The following GRAP2 variants were observed in gnomAD, a reference collection of about 807,000 sequenced individuals.
The protein encoded by GRAP2 is GRB2 related adaptor protein 2, also known as GRB2-related adapter protein 2.
Under a neutral mutation model 43.5 loss-of-function variants are expected in GRAP2, and 31 were observed. That is an observed-to-expected ratio of 0.71 (90% CI 0.54 to 0.96). The LOEUF (loss-of-function observed/expected upper bound fraction) is 0.96. Among genes scored for constraint, GRAP2 ranks in the 40% least tolerant of loss-of-function variants. The probability of loss-of-function intolerance (pLI) is 0.00; values close to 1 mark genes in which losing one functional copy is unlikely to be tolerated. For synonymous variants in GRAP2, 156 were observed against 164.8 expected (o/e 0.95, Z 0.41); for missense variants, 371 against 424.4 (o/e 0.87, Z 1.11).
chr22:39,917,286 C>A (rs1404032518), intron 1 of GRAP2, among the ~76,000 whole-genome samples: 1 of 152,210 alleles, frequency 6.6e-6, no homozygotes, highest in African/African-American at 2.4e-5. Flanking sequence ...CCTTCATCAG[C>A]AGCCCAAAGC....
At chr22:39,964,358 A>G (rs1601741243) in intron 4 of GRAP2, 1 of 715,302 alleles carries the variant, frequency 1.4e-6, no homozygotes. Context: ...GGGTCTGGGG[A>G]AGGGGCGGCA....
chr22:39,931,348 A>G (rs2066753275), intron 1 of GRAP2, among the ~76,000 whole-genome samples: 1 of 152,170 alleles, frequency 6.6e-6, no homozygotes, highest in African/African-American at 2.4e-5. Flanking sequence ...CTTGAAATGA[A>G]AGGCTATTAA....
At chr22:39,907,581 T>C (rs1420166605) in intron 1 of GRAP2, among the ~76,000 whole-genome samples, 1 of 152,032 alleles carries the variant, frequency 6.6e-6, no homozygotes, top group African/African-American at 2.4e-5. Context: ...TACAAGATAT[T>C]CTTTTAAAAA....
intron 1 of GRAP2, among the ~76,000 whole-genome samples, chr22:39,932,173 C>T (rs534135013): frequency 6.6e-6 from 1 of 152,232 alleles, no homozygotes; most frequent in East Asian, 1.9e-4. Flanking sequence ...TCAAACGAGT[C>T]CTTGCTATTC....
intron 1 of GRAP2, among the ~76,000 whole-genome samples, chr22:39,929,228 G>A (rs1366104229): frequency 6.6e-6 from 1 of 152,156 alleles, no homozygotes; most frequent in Non-Finnish European, 1.5e-5. Flanking sequence ...GAGTACAGGG[G>A]ACCTCTGTAC....
At chr22:39,942,525 C>T (rs2066881596) in intron 1 of GRAP2, among the ~76,000 whole-genome samples, 1 of 152,016 alleles carries the variant, frequency 6.6e-6, no homozygotes, top group Admixed American at 6.5e-5. Context: ...TGGCTCATGC[C>T]TCTAATCCCA....
chr22:39,954,109 G>C (rs538932896), intron 2 of GRAP2, among the ~76,000 whole-genome samples: 1 of 152,164 alleles, frequency 6.6e-6, no homozygotes, highest in African/African-American at 2.4e-5. Flanking sequence ...AACTCCTTTC[G>C]TTGCCAAGGC....
intron 1 of GRAP2, among the ~76,000 whole-genome samples, chr22:39,934,826 A>T (rs2066790737): frequency 6.6e-6 from 1 of 152,032 alleles, no homozygotes; most frequent in Admixed American, 6.6e-5. Context: ...ACCCATGATC[A>T]CGCCACTGCA....
chr22:39,896,466 A>G (rs1287393902), upstream of GRAP2, among the ~76,000 whole-genome samples: 3 of 152,190 alleles, frequency 2.0e-5, no homozygotes. Context: ...TCAGTTTGGC[A>G]GGAAAGCTGG....
intron 1 of GRAP2, among the ~76,000 whole-genome samples, chr22:39,937,795 C>G (rs2145618208): frequency 6.6e-6 from 1 of 152,246 alleles, no homozygotes; most frequent in East Asian, 1.9e-4. Flanking sequence ...GGTCTGACAC[C>G]TAAGTCCCGT....
At chr22:39,940,378 T>C (rs983378536) in intron 1 of GRAP2, among the ~76,000 whole-genome samples, 6 of 121,814 alleles carry the variant, frequency 4.9e-5, no homozygotes, top group African/African-American at 7.0e-5. Flanking sequence ...TTTTGTTTTT[T>C]GTTTGTTTTT....
intron 1 of GRAP2, among the ~76,000 whole-genome samples, chr22:39,931,796 C>T (rs185592828): frequency 4.4e-3 from 667 of 152,198 alleles, no homozygotes; most frequent in Non-Finnish European, 5.9e-3. Context: ...AAGAAAAATT[C>T]CCTTATAAGA....
chr22:39,894,659 T>C, the GRAP2 span, among the ~76,000 whole-genome samples: 1 of 152,218 alleles, frequency 6.6e-6, no homozygotes, highest in Non-Finnish European at 1.5e-5. Flanking sequence ...CTCCAGTGAC[T>C]GATGGCTTCA....
At chr22:39,926,963 TGTCACCCTGTGCTCAGCAGAG>T (rs2066708468) in intron 1 of GRAP2, 1 of 440,424 alleles carries the variant, frequency 2.3e-6, no homozygotes, top group Non-Finnish European at 3.0e-6. Flanking sequence ...CAGCCCAGTT[TGTCACCCTGTGCTCAGCAGAG>T]GCGGTCACTG....
intron 1 of GRAP2, among the ~76,000 whole-genome samples, chr22:39,904,505 T>C (rs1380343350): frequency 3.9e-5 from 6 of 152,268 alleles, no homozygotes; most frequent in Admixed American, 3.3e-4. Context: ...GCTAACTCTT[T>C]GCCGTATTTG....
intron 7 of GRAP2, among the ~76,000 whole-genome samples, chr22:39,969,931 CA>C (rs367883586): frequency 6.6e-6 from 1 of 152,154 alleles, no homozygotes; most frequent in African/African-American, 2.4e-5. Context: ...CAAAACAAAA[CA>C]AAACAAAAAT....
intron 1 of GRAP2, among the ~76,000 whole-genome samples, chr22:39,925,553 A>G (rs2066689688): frequency 6.6e-6 from 1 of 152,084 alleles, no homozygotes; most frequent in Non-Finnish European, 1.5e-5. Flanking sequence ...ACCAAGAAAT[A>G]AGCTAACTCT....
chr22:39,911,462 C>T (rs1394256072), intron 1 of GRAP2, among the ~76,000 whole-genome samples: 21 of 151,836 alleles, frequency 1.4e-4, no homozygotes, highest in South Asian at 4.2e-4. Flanking sequence ...TTTAGGTTTC[C>T]GTCAGACTTT....
chr22:39,894,237 T>C, the GRAP2 span, among the ~76,000 whole-genome samples: 3 of 151,338 alleles, frequency 2.0e-5, no homozygotes, highest in East Asian at 1.9e-4. Context: ...TAATATCTCT[T>C]TTTTTTTATT....
Sources: gnomAD v4.1 joint callset for allele counts (sites outside exome capture counted in the v4.1 genomes callset) on GRCh38, gnomAD v4.1.1 for gene constraint, MANE v1.5 for transcripts, NCBI Gene and HGNC (gene_info 2026-07-23, HGNC 2026-07-21) for gene names.